FOXJ3: variants seen among roughly 807,000 people sequenced by gnomAD.
FOXJ3 encodes the protein forkhead box protein J3.
In FOXJ3, 22 loss-of-function variants were observed where a neutral mutation model predicts 76.1. That is an observed-to-expected ratio of 0.29 (90% CI 0.21 to 0.41). The LOEUF (loss-of-function observed/expected upper bound fraction) is 0.41. FOXJ3 is among the 10% of genes least tolerant of loss of function. FOXJ3 has a pLI of 1.00. For synonymous variants in FOXJ3, 269 were observed against 261.2 expected (o/e 1.03, Z -0.29); for missense variants, 613 against 762.1 (o/e 0.80, Z 2.30).
At chr1:42,325,863 T>G (rs933427910) in intron 1 of FOXJ3, among the ~76,000 whole-genome samples, 3 of 152,190 alleles carry the variant, frequency 2.0e-5, no homozygotes, top group African/African-American at 7.2e-5. Context: ...CACTCACAAC[T>G]TGACCCATAA....
rs964922341 is a variant in FOXJ3, at chr1:42,179,245, C to T, written c.*465G>A. Reference sequence around the variant, plus strand: ...AGTTTCCTACATCAGTTAAAAGCATCCTGCAGAAAATAGCCTAACAAGGAA... The same window carrying T: ...AGTTTCCTACATCAGTTAAAAGCATTCTGCAGAAAATAGCCTAACAAGGAA... On this transcript the variant is annotated 3_prime_UTR_variant, in exon 13 of 13. Coordinates refer to ENST00000361346, the MANE Select transcript of FOXJ3 (RefSeq NM_014947.5). 2 of 152,632 alleles carry T rather than the reference C, an allele frequency of 1.3e-5. No individual in the cohort carries two copies. Among genetic ancestry groups the T allele is most frequent in the African/African-American group, 2.4e-5 (1 of 41,448 alleles). The allele number at this position is 152,632 out of a possible 1,614,324, so 9.5% of individuals were successfully genotyped here. A position where few individuals can be genotyped will look rare whatever the true frequency, so the allele number is the denominator to read the frequency against.
chr1:42,304,854 C>A (rs1233524907), intron 2 of FOXJ3, among the ~76,000 whole-genome samples: 1 of 151,954 alleles, frequency 6.6e-6, no homozygotes, highest in Non-Finnish European at 1.5e-5. Context: ...TGAGTTACAC[C>A]CCACAAGCAC....
intron 3 of FOXJ3, among the ~76,000 whole-genome samples, chr1:42,276,387 AG>A (rs1282694421): frequency 1.3e-5 from 2 of 152,034 alleles, no homozygotes; most frequent in Admixed American, 6.6e-5. Context: ...AGGGGAAGAG[AG>A]GGGAGAGAGT....
chr1:42,194,281 G>A (rs936790526), intron 8 of FOXJ3, among the ~76,000 whole-genome samples: 3 of 152,152 alleles, frequency 2.0e-5, no homozygotes, highest in African/African-American at 7.2e-5. Flanking sequence ...AATTAAACCA[G>A]CAGCTAATGG....
At chr1:42,181,865 TCA>T (rs143175153) in intron 12 of FOXJ3, 50 bp downstream of exon 12, 85,222 of 869,544 alleles carry the variant, frequency 0.098, 151 homozygotes, top group East Asian at 0.17. Flanking sequence ...CCTGGAGTGC[TCA>T]CACACACACA....
upstream of FOXJ3, chr1:42,335,327 G>A (rs1008743929): frequency 9.2e-5 from 14 of 152,158 alleles, no homozygotes; most frequent in African/African-American, 3.4e-4. Context: ...TCAAGTCCCT[G>A]CGCGGTCACG....
In FOXJ3 at chr1:42,188,999, T is replaced by A. The variant is rs1646491213; in HGVS notation, c.1454-71A>T. The A allele has an allele frequency of 4.7e-6, 5 of 1,055,404 alleles. No homozygotes were observed. In the South Asian group the frequency reaches 9.2e-5, roughly 19 times the overall value. The allele number at this position is 1,055,404 out of a possible 1,614,324, so 65.4% of individuals were successfully genotyped here. On this transcript the variant is annotated intron_variant, in intron 10 of 12. Transcript: ENST00000361346. Reference sequence around the variant, plus strand: ...ACATTGCAAGGAAAATAGCAAGACATAATTTTTTTCAGCTCTCAAAATTTC... The same window carrying A: ...ACATTGCAAGGAAAATAGCAAGACAAAATTTTTTTCAGCTCTCAAAATTTC...
rs1486729778 is a variant in FOXJ3 at position 42,324,184 on chromosome 1, T to TGTGTATATAC, written c.-18+10874_-18+10875insGTATATACAC. 3.1e-3 allele frequency among the ~76,000 whole-genome samples: 266 copies of TGTGTATATAC among 85,584 alleles called. 1 individual carries two copies. The highest frequency in any genetic ancestry group is 9.4e-3 in the African/African-American group (249 of 26,594). The allele number at this position is 85,584 out of a possible 152,430, so 56.1% of individuals were successfully genotyped here. A position where few individuals can be genotyped will look rare whatever the true frequency, so the allele number is the denominator to read the frequency against. On this transcript the variant is annotated intron_variant, in intron 1 of 12. Transcript: ENST00000361346. ...GTGTATATATAGTATATATAAATTC[T>TGTGTATATAC]AGGAATATATATACTATATATATAC...
chr1:42,291,793 G>C (rs1015439487), intron 2 of FOXJ3, among the ~76,000 whole-genome samples: 1 of 152,094 alleles, frequency 6.6e-6, no homozygotes, highest in African/African-American at 2.4e-5. Flanking sequence ...TGGGTGGAGG[G>C]GATGAACCAA....
intron 4 of FOXJ3, among the ~76,000 whole-genome samples, chr1:42,244,411 G>C (rs1185480493): frequency 6.6e-6 from 1 of 152,126 alleles, no homozygotes; most frequent in South Asian, 2.1e-4. Context: ...AGCTACTCAA[G>C]AGACTGAGGT....
intron 2 of FOXJ3, among the ~76,000 whole-genome samples, chr1:42,302,324 T>A (rs1654201966): frequency 6.6e-6 from 1 of 152,254 alleles, no homozygotes; most frequent in Non-Finnish European, 1.5e-5. Context: ...TGGGTATATA[T>A]GTGATCCTTG....
chr1:42,273,674 CAAAAAAAAAA>C (rs35528514), intron 3 of FOXJ3, among the ~76,000 whole-genome samples: 1 of 86,370 alleles, frequency 1.2e-5, no homozygotes, highest in Non-Finnish European at 2.1e-5. Context: ...CACTCCATCT[CAAAAAAAAAA>C]AAAAAAAAAA....
At chr1:42,326,668 G>C (rs1018293421) in intron 1 of FOXJ3, among the ~76,000 whole-genome samples, 1 of 152,170 alleles carries the variant, frequency 6.6e-6, no homozygotes, top group African/African-American at 2.4e-5. Flanking sequence ...CGAAGACAAA[G>C]AATGCAGATT....
intron 5 of FOXJ3, among the ~76,000 whole-genome samples, chr1:42,206,821 TTTCTTC>T (rs57608774): frequency 2.6e-5 from 4 of 151,810 alleles, no homozygotes; most frequent in Admixed American, 6.6e-5. Flanking sequence ...TCAGGTCTTA[TTTCTTC>T]TTCTTCTTCT....
chr1:42,215,301 A>G (rs933718306), intron 5 of FOXJ3, among the ~76,000 whole-genome samples: 1 of 152,144 alleles, frequency 6.6e-6, no homozygotes, highest in South Asian at 2.1e-4. Context: ...AAAATAAAAA[A>G]ATCAAAATTT....
At chr1:42,184,589 A>C (rs886308713) in intron 11 of FOXJ3, among the ~76,000 whole-genome samples, 3 of 152,092 alleles carry the variant, frequency 2.0e-5, no homozygotes, top group Non-Finnish European at 4.4e-5. Flanking sequence ...GGCACTATGG[A>C]TACAGCAATG....
chr1:42,320,713 A>C (rs1412862751), intron 1 of FOXJ3, among the ~76,000 whole-genome samples: 22 of 152,216 alleles, frequency 1.4e-4, no homozygotes, highest in Admixed American at 1.4e-3. Context: ...TATACATGAA[A>C]TATGAAAAAT....
chr1:42,305,427 A>G (rs148389788), intron 2 of FOXJ3, among the ~76,000 whole-genome samples: 10 of 152,362 alleles, frequency 6.6e-5, no homozygotes, highest in African/African-American at 2.2e-4. Flanking sequence ...GCAAATCAGT[A>G]TATTAAAGAG....
chr1:42,260,953 C>A (rs1650985389), intron 4 of FOXJ3, among the ~76,000 whole-genome samples: 1 of 152,160 alleles, frequency 6.6e-6, no homozygotes, highest in Non-Finnish European at 1.5e-5. Flanking sequence ...CCCACTGCTA[C>A]TAAGTTTAGA....
Sources: allele counts gnomAD v4.1 joint callset (sites outside exome capture counted in the v4.1 genomes callset), GRCh38; gene constraint gnomAD v4.1.1; transcripts MANE v1.5; gene names NCBI Gene and HGNC (gene_info 2026-07-23, HGNC 2026-07-21).